Variants in POU6F2 observed in about 807,000 individuals in gnomAD.
POU6F2 encodes POU domain, class 6, transcription factor 2.
Under a neutral mutation model 71.3 loss-of-function variants are expected in POU6F2, and 31 were observed. The observed-to-expected ratio is 0.43, with a 90% CI of 0.33 to 0.59. The LOEUF (loss-of-function observed/expected upper bound fraction) is 0.59. Among genes scored for constraint, POU6F2 ranks in the 20% least tolerant of loss-of-function variants. The pLI is 0.04. For synonymous variants in POU6F2, 347 were observed against 355.7 expected (o/e 0.98, Z 0.27); for missense variants, 783 against 856.8 (o/e 0.91, Z 1.07).
At chr7:39,104,409 C>T (rs1189139010) in intron 2 of POU6F2, among the ~76,000 whole-genome samples, 3 of 152,192 alleles carry the variant, frequency 2.0e-5, no homozygotes, top group African/African-American at 4.8e-5. Context: ...TGTTCTCACA[C>T]GAGTCTTGTG....
intron 2 of POU6F2, among the ~76,000 whole-genome samples, chr7:39,179,662 C>CCGGCTCATAGACCATGCTTTGAGT (rs1383361114): frequency 2.6e-5 from 4 of 152,186 alleles, no homozygotes; most frequent in Non-Finnish European, 5.9e-5. Context: ...GCAGTTGCCG[C>CCGGCTCATAGACCATGCTTTGAGT]CGGCTCATAG....
At chr7:39,292,793 A>G (rs759355131) in intron 4 of POU6F2, among the ~76,000 whole-genome samples, 12 of 152,172 alleles carry the variant, frequency 7.9e-5, no homozygotes, top group Admixed American at 1.3e-4. Context: ...TGACCATTCA[A>G]TCCATCCTGG....
chr7:39,298,937 G>A lies in POU6F2; in HGVS notation c.599-40705G>A, dbSNP rs150006502. On this transcript the variant is annotated intron_variant, in intron 4 of 9. Transcript: ENST00000518318. ...AACCAAACACCACATGTTCTCACTTGTAAGTGGGAGTTGAACAATGAGAAC... is the reference window on the plus strand; with the variant it reads ...AACCAAACACCACATGTTCTCACTTATAAGTGGGAGTTGAACAATGAGAAC... Among the ~76,000 whole-genome samples the A allele has an allele frequency of 1.2e-3, 177 of 152,224 alleles. 3 individuals are homozygous for A. The East Asian group carries it at 0.031, about 27-fold the overall frequency.
At chr7:39,041,226 C>T (rs995811420) in intron 1 of POU6F2, among the ~76,000 whole-genome samples, 13 of 151,918 alleles carry the variant, frequency 8.6e-5, no homozygotes, top group Non-Finnish European at 1.8e-4. Context: ...TCTGTTGCAT[C>T]GATGGAACCA....
At chr7:39,159,233 T>A (rs1393680077) in intron 2 of POU6F2, among the ~76,000 whole-genome samples, 1 of 152,054 alleles carries the variant, frequency 6.6e-6, no homozygotes. Context: ...CAGTGTCACA[T>A]TATTGTTTTT....
At chr7:39,414,011 G>T (rs1437871939) in intron 6 of POU6F2, among the ~76,000 whole-genome samples, 1 of 152,154 alleles carries the variant, frequency 6.6e-6, no homozygotes, top group African/African-American at 2.4e-5. Context: ...GTCTCGCGTG[G>T]GACCCACCCG....
intron 1 of POU6F2, among the ~76,000 whole-genome samples, chr7:39,076,529 T>TAAAAAG (rs111496549): frequency 0.1 from 15,873 of 152,064 alleles, 907 homozygotes; most frequent in Middle Eastern, 0.16. Context: ...ATTATATTTT[T>TAAAAAG]AAAAAGAAAA....
At chr7:39,242,507 A>AC (rs1783746704) in intron 4 of POU6F2, among the ~76,000 whole-genome samples, 1 of 150,970 alleles carries the variant, frequency 6.6e-6, no homozygotes, top group African/African-American at 2.4e-5. Context: ...TCTACTCTGT[A>AC]TCTTTTTCAG....
rs1033054771 is a variant in POU6F2, at chr7:39,259,502, CAG to C, written c.598+51889_598+51890del. 1.9e-4 allele frequency among the ~76,000 whole-genome samples: 29 copies of C among 152,204 alleles called. 1 individual carries two copies. The highest frequency in any genetic ancestry group is 6.5e-4 in the African/African-American group (27 of 41,516). ...GGGAAGTCAAAAGGCAAGCGAGAAGCAGAGAGAGCAGGACACCCAGCCCTGAG... is the reference window on the plus strand; with the variant it reads ...GGGAAGTCAAAAGGCAAGCGAGAAGCAGAGAGCAGGACACCCAGCCCTGAG... On this transcript the variant is annotated intron_variant, in intron 4 of 9. Transcript: ENST00000518318.
intron 5 of POU6F2, among the ~76,000 whole-genome samples, chr7:39,394,880 T>C (rs868817751): frequency 1.3e-5 from 2 of 152,100 alleles, no homozygotes; most frequent in Non-Finnish European, 2.9e-5. Flanking sequence ...TCTGTCTACT[T>C]ATCTGTCTCT....
Position 39,433,252 on chromosome 7 carries a change from T to C in POU6F2, c.1289T>C (p.Ile430Thr). 6.2e-7 allele frequency: 1 copy of C among 1,613,912 alleles called. No individual in the cohort carries two copies. Among genetic ancestry groups the C allele is most frequent in the Non-Finnish European group, 8.5e-7 (1 of 1,179,886 alleles). Residue 430 changes from isoleucine to threonine, a missense_variant, in exon 7 of 10, where the codon ATC (isoleucine) becomes ACC (threonine). Physicochemically the swap from Ile to Thr is moderately conservative, Grantham distance 89. Coordinates refer to ENST00000518318, the MANE Select transcript of POU6F2 (RefSeq NM_001370959.1). ...CTGCCCGTGATCAACACCCAGGGCA[T>C]CACGCTGTCACCCATCAAGCCCGGC... The part of the protein sequence containing the change: ...QILPVINTQG[I>T]TLSPIKPGQQ...
chr7:39,270,507 T>C (rs1784322101), intron 4 of POU6F2, among the ~76,000 whole-genome samples: 1 of 152,196 alleles, frequency 6.6e-6, no homozygotes, highest in Non-Finnish European at 1.5e-5. Flanking sequence ...GCAGTTGTTA[T>C]TATTGTTATT....
intron 4 of POU6F2, among the ~76,000 whole-genome samples, chr7:39,209,392 C>T (rs1410965801): frequency 1.3e-5 from 2 of 152,270 alleles, no homozygotes; most frequent in East Asian, 1.9e-4. Flanking sequence ...TTGGAGTTGA[C>T]GCCCAAGCTC....
intron 1 of POU6F2, among the ~76,000 whole-genome samples, chr7:39,000,728 A>G (rs964808856): frequency 6.6e-6 from 1 of 152,216 alleles, no homozygotes; most frequent in Non-Finnish European, 1.5e-5. Context: ...GTATCTAGAA[A>G]AGATCAGGGT....
At chr7:39,439,565 C>G (rs1351769094) in intron 7 of POU6F2, among the ~76,000 whole-genome samples, 1 of 152,222 alleles carries the variant, frequency 6.6e-6, no homozygotes, top group Non-Finnish European at 1.5e-5. Flanking sequence ...TCTCAGCTCA[C>G]TGCAACCTCT....
chr7:39,086,081 A>G (rs757536052), intron 2 of POU6F2, 50 bp downstream of exon 2: 2 of 1,571,936 alleles, frequency 1.3e-6, no homozygotes, highest in African/African-American at 2.7e-5. Flanking sequence ...TGTCCGGAAG[A>G]GCAATCCAAC....
intron 1 of POU6F2, among the ~76,000 whole-genome samples, chr7:39,006,573 G>C (rs1186505325): frequency 2.0e-5 from 3 of 152,176 alleles, no homozygotes; most frequent in Admixed American, 6.5e-5. Flanking sequence ...TAAAGTCAGA[G>C]AGCTGACATT....
At chr7:39,228,121 T>C (rs10241803) in intron 4 of POU6F2, among the ~76,000 whole-genome samples, 80,609 of 151,968 alleles carry the variant, frequency 0.53, 21,980 homozygotes, top group East Asian at 0.84. Context: ...GTCTTTGACC[T>C]AAATACACAT....
At chr7:39,261,065 GCACACACACACACA>G (rs72377948) in intron 4 of POU6F2, among the ~76,000 whole-genome samples, 1 of 147,876 alleles carries the variant, frequency 6.8e-6, no homozygotes, top group Non-Finnish European at 1.5e-5. Flanking sequence ...ATACACACAT[GCACACACACACACA>G]CACACACACA....
Sources: allele counts gnomAD v4.1 joint callset (sites outside exome capture counted in the v4.1 genomes callset), GRCh38; gene constraint gnomAD v4.1.1; transcripts MANE v1.5; gene names NCBI Gene and HGNC (gene_info 2026-07-23, HGNC 2026-07-21).